The following ASXL1 variants were observed in gnomAD, a reference collection of about 807,000 sequenced individuals.
The protein encoded by ASXL1 is ASXL transcriptional regulator 1, also known as polycomb group protein ASXL1.
ASXL1 carries 65 observed loss-of-function variants against 89.1 expected under a neutral mutation model. The ratio of observed to expected loss-of-function variants is 0.73; its 90% CI spans 0.60 to 0.90. The LOEUF (loss-of-function observed/expected upper bound fraction) is 0.90, where lower values mean the gene tolerates loss of function less well. Among genes scored for constraint, ASXL1 ranks in the 40% least tolerant of loss-of-function variants. The pLI is 0.00. For missense variants in ASXL1, 1,786 were observed against 1,942.9 expected (o/e 0.92, Z 1.52); for synonymous variants, 739 against 746.9 (o/e 0.99, Z 0.17).
intron 4 of ASXL1, among the ~76,000 whole-genome samples, chr20:32,412,155 A>G (rs192062003): frequency 1.9e-3 from 287 of 152,328 alleles, no homozygotes; most frequent in Middle Eastern, 6.8e-3. Flanking sequence ...ATAGGTAAAT[A>G]TAGTATTCAT....
At chr20:32,414,540 A>G (rs890156550) in intron 4 of ASXL1, among the ~76,000 whole-genome samples, 5 of 151,990 alleles carry the variant, frequency 3.3e-5, no homozygotes, top group African/African-American at 1.2e-4. Context: ...AACACCCCAT[A>G]TCTTATTTTA....
In ASXL1 at chr20:32,430,102, G is replaced by A. The variant is rs12480345; in HGVS notation, c.718+49G>A. On this transcript the variant is annotated intron_variant, in intron 8 of 12. Transcript: ENST00000375687. ...TCTGCCTGTAAAGGGGGCCCCTGCA[G>A]GCCTAGTGAGAAGATGATGTCTTCT... is the stretch of plus-strand genomic sequence containing the variant. The A allele has an allele frequency of 2.5e-4, 397 of 1,574,966 alleles. 1 individual carries two copies. Among genetic ancestry groups the A allele is most frequent in the Non-Finnish European group, 3.3e-4 (382 of 1,166,626 alleles).
chr20:32,435,141 AC>A lies in ASXL1; in HGVS notation c.2430del (p.Asp810GlufsTer8). The A allele has an allele frequency of 6.2e-7, 1 of 1,613,962 alleles. No homozygotes were observed. Among genetic ancestry groups the A allele is most frequent in the South Asian group, 1.1e-5 (1 of 91,082 alleles). On this transcript the variant is annotated frameshift_variant, in exon 13 of 13. Transcript: ENST00000375687. LOFTEE classifies it low-confidence loss of function (END_TRUNC). ...DEEQGPTVPA[D>X]NGPIPSLVGD... ...GAGCAAGGACCCACCGTTCCTGCAG[AC>A]AATGGTCCCATTCCGTCTCTAGTGG...
rs2048046632 is a variant in ASXL1 at position 32,358,364 on chromosome 20, A to G, written c.-412A>G. 1 of 232,154 alleles carries G rather than the reference A, an allele frequency of 4.3e-6. No homozygotes were observed. The highest frequency in any genetic ancestry group is 6.0e-5 in the East Asian group (1 of 16,550). The allele number at this position is 232,154 out of a possible 1,614,324, so 14.4% of individuals were successfully genotyped here. On this transcript the variant is annotated 5_prime_UTR_variant, in exon 1 of 13. Coordinates refer to ENST00000375687, the MANE Select transcript of ASXL1 (RefSeq NM_015338.6). ...TCACACACACCCACGGCAGACACGCACGCACCCGGGCGCCGAAGGGAAAGC... is the reference window on the plus strand; with the variant it reads ...TCACACACACCCACGGCAGACACGCGCGCACCCGGGCGCCGAAGGGAAAGC...
intron 4 of ASXL1, among the ~76,000 whole-genome samples, chr20:32,419,689 T>C (rs1201735285): frequency 4.0e-5 from 6 of 151,268 alleles, no homozygotes; most frequent in Non-Finnish European, 7.4e-5. Flanking sequence ...TTTTCTTTTT[T>C]TTTTTTTTTG....
intron 1 of ASXL1, among the ~76,000 whole-genome samples, chr20:32,362,970 T>C (rs2122784892): frequency 6.6e-6 from 1 of 152,310 alleles, no homozygotes; most frequent in Non-Finnish European, 1.5e-5. Context: ...CTTTATCTTT[T>C]ACTTTGATTC....
At chr20:32,385,213 A>G (rs953524417) in intron 4 of ASXL1, among the ~76,000 whole-genome samples, 6 of 152,236 alleles carry the variant, frequency 3.9e-5, no homozygotes, top group Non-Finnish European at 7.3e-5. Flanking sequence ...TCCAAGTCCT[A>G]TAATAATGAG....
chr20:32,437,437 T>C lies in ASXL1; in HGVS notation c.*99T>C. ...CAGAATATCATTGATATAATACTCT[T>C]TAGGCAGGAGCACTCTTGCCTTCCC... On this transcript the variant is annotated 3_prime_UTR_variant, in exon 13 of 13. Coordinates refer to ENST00000375687, the MANE Select transcript of ASXL1 (RefSeq NM_015338.6). The C allele has an allele frequency of 6.4e-7, 1 of 1,551,598 alleles. No homozygotes were observed. Among genetic ancestry groups the C allele is most frequent in the Non-Finnish European group, 8.9e-7 (1 of 1,127,562 alleles).
In ASXL1 at chr20:32,429,251, A is replaced by C; in HGVS notation, c.472-87A>C. 1 of 1,297,298 alleles carries C rather than the reference A, an allele frequency of 7.7e-7. No individual in the cohort carries two copies. Among genetic ancestry groups the C allele is most frequent in the East Asian group, 2.5e-5 (1 of 40,368 alleles). The allele number at this position is 1,297,298 out of a possible 1,614,324, so 80.4% of individuals were successfully genotyped here. A position where few individuals can be genotyped will look rare whatever the true frequency, so the allele number is the denominator to read the frequency against. On this transcript the variant is annotated intron_variant, in intron 6 of 12. Transcript: ENST00000375687. This position sits in a 1 kb window ranked among gnomAD's most constrained non-coding sequence, Gnocchi z 4.9. The stretch of plus-strand genomic sequence containing the variant: ...TTGAAGACGAACTTCATTTTACAAG[A>C]GCGTGAGTAGAGATAGTGTCGCCAG...
At chr20:32,358,893 C>G (rs1021198194) in intron 1 of ASXL1, 61 bp downstream of exon 1, 12 of 1,398,278 alleles carry the variant, frequency 8.6e-6, no homozygotes, top group Non-Finnish European at 1.1e-5. Flanking sequence ...TCGCCGCGCA[C>G]CCCCCCACTG....
intron 4 of ASXL1, among the ~76,000 whole-genome samples, chr20:32,420,516 TTTCTA>T (rs2049223794): frequency 6.6e-6 from 1 of 152,198 alleles, no homozygotes; most frequent in African/African-American, 2.4e-5. Context: ...ATTAGCTTCT[TTTCTA>T]GTTACCTTGC....
intron 4 of ASXL1, among the ~76,000 whole-genome samples, chr20:32,377,767 C>T (rs1157112379): frequency 6.7e-6 from 1 of 149,952 alleles, no homozygotes; most frequent in Non-Finnish European, 1.5e-5. Flanking sequence ...ATTCTCTTAC[C>T]TCAGCCTCCT....
Position 32,370,687 on chromosome 20 carries a change from A to G in ASXL1, c.252+1564A>G, listed in dbSNP as rs6119842. ...CCTGAACAAATACCAACTATATAAC[A>G]TGAAGCCATAAAACTTGGTCTTTAT... is the stretch of plus-strand genomic sequence containing the variant. On this transcript the variant is annotated intron_variant, in intron 4 of 12. Transcript: ENST00000375687. Among the ~76,000 whole-genome samples the G allele has an allele frequency of 5.9e-3, 900 of 152,282 alleles. 8 individuals are homozygous for G. The highest frequency in any genetic ancestry group is 0.021 in the African/African-American group (867 of 41,580).
At chr20:32,385,821 T>A (rs901687600) in intron 4 of ASXL1, among the ~76,000 whole-genome samples, 4 of 152,244 alleles carry the variant, frequency 2.6e-5, no homozygotes, top group Non-Finnish European at 4.4e-5. Context: ...CTATGTTTGA[T>A]ACTTATCCAT....
Position 32,398,610 on chromosome 20 carries a change from T to TG in ASXL1, c.252+29487_252+29488insG, listed in dbSNP as rs1052596215. 8.3e-4 allele frequency among the ~76,000 whole-genome samples: 122 copies of TG among 147,032 alleles called. 3 individuals carry two copies. In the East Asian group the frequency reaches 0.02, roughly 24 times the overall value. The stretch of plus-strand genomic sequence containing the variant: ...GTTTTGTTTTTTTTGTTTGTTTTTT[T>TG]TTTTGTTTTTTTTTTTTGAGACGGA... On this transcript the variant is annotated intron_variant, in intron 4 of 12. Coordinates refer to ENST00000375687, the MANE Select transcript of ASXL1 (RefSeq NM_015338.6).
At chr20:32,412,594 ATTTTT>A (rs377498376) in intron 4 of ASXL1, among the ~76,000 whole-genome samples, 1 of 137,544 alleles carries the variant, frequency 7.3e-6, no homozygotes, top group Admixed American at 7.4e-5. Context: ...AAAGAAATAA[ATTTTT>A]TTTTTTTTTT....
chr20:32,369,542 G>A (rs368405372), intron 4 of ASXL1, among the ~76,000 whole-genome samples: 2 of 151,834 alleles, frequency 1.3e-5, no homozygotes, highest in Admixed American at 1.3e-4. Flanking sequence ...ATGAGCCACC[G>A]CACCTGGCCA....
At chr20:32,383,826 A>G (rs1016116590) in intron 4 of ASXL1, among the ~76,000 whole-genome samples, 2 of 152,162 alleles carry the variant, frequency 1.3e-5, no homozygotes, top group Non-Finnish European at 2.9e-5. Context: ...TAAGTGGATG[A>G]CTCTGAAACT....
At chr20:32,376,278 T>C (rs2048376844) in intron 4 of ASXL1, among the ~76,000 whole-genome samples, 1 of 152,020 alleles carries the variant, frequency 6.6e-6, no homozygotes, top group Non-Finnish European at 1.5e-5. Context: ...TTTTGTGTTG[T>C]GTTGTGTTAT....
Sources: gnomAD v4.1 joint callset for allele counts (sites outside exome capture counted in the v4.1 genomes callset) on GRCh38, gnomAD v4.1.1 for gene constraint, Gnocchi (gnomAD v3.1) non-coding constraint, MANE v1.5 for transcripts, NCBI Gene and HGNC (gene_info 2026-07-23, HGNC 2026-07-21) for gene names.